The following ERC2 variants were observed in gnomAD, a reference collection of about 807,000 sequenced individuals.
The protein encoded by ERC2 is ERC protein 2.
Under a neutral mutation model 114.8 loss-of-function variants are expected in ERC2, and 42 were observed. The ratio of observed to expected loss-of-function variants is 0.37; its 90% CI spans 0.29 to 0.47. ERC2 has a LOEUF of 0.47. ERC2 is among the 20% of genes least tolerant of loss of function. The probability of loss-of-function intolerance (pLI) is 0.99; values close to 1 mark genes in which losing one functional copy is unlikely to be tolerated. For synonymous variants in ERC2, 454 were observed against 425.5 expected, an observed-to-expected ratio of 1.07 and a Z score of -0.82; for missense variants, 939 against 1,150.7, an observed-to-expected ratio of 0.82 and a Z score of 2.66.
chr3:56,355,519 C>A (rs929757596), intron 2 of ERC2, among the ~76,000 whole-genome samples: 8 of 151,956 alleles, frequency 5.3e-5, no homozygotes, highest in African/African-American at 9.7e-5. Flanking sequence ...CCCATGTTGC[C>A]CACACTGGTC....
chr3:56,040,493 A>T (rs900659393), intron 7 of ERC2, among the ~76,000 whole-genome samples: 2 of 147,760 alleles, frequency 1.4e-5, no homozygotes. Context: ...AAGCTACAGC[A>T]CTCATCTCCC....
At chr3:55,749,765 C>T (rs939704604) in intron 14 of ERC2, among the ~76,000 whole-genome samples, 4 of 152,196 alleles carry the variant, frequency 2.6e-5, no homozygotes, top group African/African-American at 9.7e-5. Context: ...CTTGGGTCCC[C>T]TTCCACGCTG....
intron 3 of ERC2, among the ~76,000 whole-genome samples, chr3:56,238,277 C>A (rs771988314): frequency 2.0e-5 from 3 of 152,192 alleles, no homozygotes; most frequent in African/African-American, 4.8e-5. Context: ...GAAACCAAGA[C>A]GAAATAGGTG....
chr3:55,547,829 A>C lies in ERC2; in HGVS notation c.*40-36553T>G, dbSNP rs376214182. ...GCGTTTTATAAGACCCTCAACAAAC[A>C]CTTGTGGTCCAAAGAAGGGAAGCAG... is the stretch of plus-strand genomic sequence containing the variant. On this transcript the variant is annotated intron_variant, in intron 17 of 17. Transcript: ENST00000288221. Among the ~76,000 whole-genome samples the C allele has an allele frequency of 3.9e-5, 6 of 152,202 alleles. No individual in the cohort carries two copies. In the East Asian group the frequency reaches 1.2e-3, roughly 29 times the overall value.
chr3:55,510,257 C>T lies in ERC2; in HGVS notation c.*1059G>A, dbSNP rs1421682337. The T allele has an allele frequency of 2.1e-5, 2 of 95,470 alleles. No individual in the cohort carries two copies. The highest frequency in any genetic ancestry group is 1.1e-4 in the African/African-American group (2 of 18,846). The allele number at this position is 95,470 out of a possible 1,614,324, so 5.9% of individuals were successfully genotyped here. A position where few individuals can be genotyped will look rare whatever the true frequency, so the allele number is the denominator to read the frequency against. ...TGCTTTGGAATCCATGTTGCAGACA[C>T]ATTTTCTTTAAAAAAAAAAAAAAAG... is the stretch of plus-strand genomic sequence containing the variant. On this transcript the variant is annotated 3_prime_UTR_variant, in exon 18 of 18. Transcript: ENST00000288221.
At chr3:55,891,891 T>C (rs1328258206) in intron 13 of ERC2, among the ~76,000 whole-genome samples, 3 of 152,252 alleles carry the variant, frequency 2.0e-5, no homozygotes, top group African/African-American at 4.8e-5. Context: ...CTTTTCTTAA[T>C]GTGTGGTTTG....
chr3:55,955,550 T>C (rs1363903814), intron 12 of ERC2, among the ~76,000 whole-genome samples: 1 of 152,220 alleles, frequency 6.6e-6, no homozygotes, highest in African/African-American at 2.4e-5. Flanking sequence ...GATTTATTAT[T>C]CATATTGTTG....
At chr3:56,045,526 C>T (rs1373058315) in intron 7 of ERC2, among the ~76,000 whole-genome samples, 6 of 152,068 alleles carry the variant, frequency 3.9e-5, no homozygotes, top group East Asian at 1.9e-4. Flanking sequence ...ACTTCAGATG[C>T]GTTTCTATAG....
At chr3:56,373,188 G>A (rs2059417790) in intron 2 of ERC2, among the ~76,000 whole-genome samples, 1 of 151,950 alleles carries the variant, frequency 6.6e-6, no homozygotes, top group Admixed American at 6.6e-5. Flanking sequence ...CATTTTATCA[G>A]CATTTTTCAG....
At chr3:55,826,955 A>T (rs2060349824) in intron 14 of ERC2, among the ~76,000 whole-genome samples, 1 of 152,228 alleles carries the variant, frequency 6.6e-6, no homozygotes, top group Non-Finnish European at 1.5e-5. Context: ...GTGAGAGGCC[A>T]CCAAGCAGAG....
chr3:55,967,801 T>A (rs945575859), intron 12 of ERC2, among the ~76,000 whole-genome samples: 1 of 152,164 alleles, frequency 6.6e-6, no homozygotes, highest in Non-Finnish European at 1.5e-5. Flanking sequence ...GGGTTCCTTA[T>A]GAAAGGACAA....
rs76832641 is a variant in ERC2, at chr3:56,091,389, G to A, written c.1474-10405C>T. ...ATTATTGCCTGTGATGTGGAAGACT[G>A]GGGAGAACTGGACTTGAGGAAAGGA... is the stretch of plus-strand genomic sequence containing the variant. On this transcript the variant is annotated intron_variant, in intron 6 of 17. Transcript: ENST00000288221. Among the ~76,000 whole-genome samples, 198 of 152,268 alleles carry A rather than the reference G, an allele frequency of 1.3e-3. 1 individual carries two copies. The East Asian group carries it at 0.03, about 23-fold the overall frequency.
At chr3:55,976,194 C>T (rs888028063) in intron 12 of ERC2, among the ~76,000 whole-genome samples, 3 of 152,010 alleles carry the variant, frequency 2.0e-5, no homozygotes, top group Non-Finnish European at 4.4e-5. Flanking sequence ...TGGGTCTCAC[C>T]GAAACCAAGG....
chr3:55,653,690 A>G (rs1052468609), intron 17 of ERC2, among the ~76,000 whole-genome samples: 5 of 152,204 alleles, frequency 3.3e-5, no homozygotes, highest in Non-Finnish European at 5.9e-5. Flanking sequence ...ACTTTTCACT[A>G]TATGCATCTT....
At chr3:56,181,826 G>A (rs1387873407) in intron 3 of ERC2, among the ~76,000 whole-genome samples, 1 of 152,150 alleles carries the variant, frequency 6.6e-6, no homozygotes, top group African/African-American at 2.4e-5. Context: ...AGGATATCAA[G>A]ACATCCTATG....
At chr3:56,193,910 C>T (rs1224152984) in intron 3 of ERC2, among the ~76,000 whole-genome samples, 1 of 152,066 alleles carries the variant, frequency 6.6e-6, no homozygotes. Context: ...TGTTTATGGT[C>T]CTATTTGGTC....
intron 6 of ERC2, among the ~76,000 whole-genome samples, chr3:56,123,956 C>T (rs1261419139): frequency 2.0e-5 from 3 of 152,154 alleles, no homozygotes; most frequent in Admixed American, 1.3e-4. Flanking sequence ...CTTTCTCAGC[C>T]AATTTGTATT....
At chr3:55,800,382 T>G (rs912628971) in intron 14 of ERC2, among the ~76,000 whole-genome samples, 1 of 152,076 alleles carries the variant, frequency 6.6e-6, no homozygotes. Flanking sequence ...GACCTCATGA[T>G]CCACCTGCCT....
intron 2 of ERC2, among the ~76,000 whole-genome samples, chr3:56,420,279 G>A (rs2061336880): frequency 7.0e-6 from 1 of 141,958 alleles, no homozygotes; most frequent in African/African-American, 2.6e-5. Context: ...TGACCTCCTA[G>A]GTTCAAGTGA....
Sources: allele counts gnomAD v4.1 joint callset (sites outside exome capture counted in the v4.1 genomes callset), GRCh38; gene constraint gnomAD v4.1.1; transcripts MANE v1.5; gene names NCBI Gene and HGNC (gene_info 2026-07-23, HGNC 2026-07-21).